ESF1: variants seen among roughly 807,000 people sequenced by gnomAD.
The protein encoded by ESF1 is ESF1 nucleolar pre-rRNA processing protein.
A neutral mutation model predicts 92.0 loss-of-function variants in ESF1; 58 were observed. The observed-to-expected ratio is 0.63, with a 90% CI of 0.51 to 0.78. The LOEUF is 0.78. ESF1 is among the 30% of genes least tolerant of loss of function. The pLI is 0.00. For synonymous variants in ESF1, 321 were observed against 313.7 expected (o/e 1.02, Z -0.24); for missense variants, 922 against 989.1 (o/e 0.93, Z 0.91).
chr20:13,719,007 G>A, intron 11 of ESF1, 23 bp from the exon 12 acceptor site: 1 of 1,565,420 alleles, frequency 6.4e-7, no homozygotes, highest in Non-Finnish European at 8.6e-7. Flanking sequence ...ACCAACATAA[G>A]AGTGGTAAAA....
At chr20:13,739,920 C>A (rs1490070335) in intron 9 of ESF1, among the ~76,000 whole-genome samples, 3 of 152,060 alleles carry the variant, frequency 2.0e-5, no homozygotes, top group Non-Finnish European at 4.4e-5. Context: ...CTACATTAAG[C>A]CAAGATGCTT....
intron 1 of ESF1, among the ~76,000 whole-genome samples, chr20:13,783,493 C>T (rs1980362357): frequency 6.6e-6 from 1 of 152,184 alleles, no homozygotes; most frequent in Non-Finnish European, 1.5e-5. Context: ...CTTAGAATTT[C>T]TATTTGTATA....
intron 12 of ESF1, 100 bp from the exon 13 acceptor site, chr20:13,717,614 C>A: frequency 7.5e-7 from 1 of 1,331,384 alleles, no homozygotes; most frequent in Non-Finnish European, 1.0e-6. Flanking sequence ...GAAAGGAAGA[C>A]TCAATCACTA....
chr20:13,751,386 T>C lies in ESF1; in HGVS notation c.1828+8306A>G, dbSNP rs575936311. Among the ~76,000 whole-genome samples the C allele has an allele frequency of 3.3e-5, 5 of 152,310 alleles. No individual in the cohort carries two copies. The South Asian group carries it at 1.0e-3, about 32-fold the overall frequency. On this transcript the variant is annotated intron_variant, in intron 9 of 13. Transcript: ENST00000617257. ...ACAAGTTTTCTTTTCTTGAGCTCAC[T>C]TGTGGCAGATTGCAAGTTTAAGGCA...
rs189022070 is a variant in ESF1, at chr20:13,764,816, C to T, written c.1666+1961G>A. Among the ~76,000 whole-genome samples, 521 of 151,628 alleles carry T rather than the reference C, an allele frequency of 3.4e-3. 1 individual carries two copies. The highest frequency in any genetic ancestry group is 6.0e-3 in the Non-Finnish European group (406 of 67,964). On this transcript the variant is annotated intron_variant, in intron 8 of 13. Transcript: ENST00000617257. ...GCCTTATAGTTTCAGGGGTGGCAAA[C>T]GCAGAAGAAAACCCATGTATAAGTG...
chr20:13,768,738 A>C (rs1231501772), intron 7 of ESF1, among the ~76,000 whole-genome samples: 1 of 151,534 alleles, frequency 6.6e-6, no homozygotes, highest in Non-Finnish European at 1.5e-5. Flanking sequence ...CTCTACTAAA[A>C]ATACAAAAAT....
chr20:13,739,887 G>A (rs1193378288), intron 9 of ESF1, among the ~76,000 whole-genome samples: 1 of 152,164 alleles, frequency 6.6e-6, no homozygotes, highest in Non-Finnish European at 1.5e-5. Flanking sequence ...CCTGATCACG[G>A]TGGGAGGTCC....
chr20:13,727,714 A>G (rs1023059330), intron 11 of ESF1, among the ~76,000 whole-genome samples: 1 of 152,208 alleles, frequency 6.6e-6, no homozygotes, highest in African/African-American at 2.4e-5. Context: ...TGAGTAGTGC[A>G]TATGAGGTGG....
intron 9 of ESF1, among the ~76,000 whole-genome samples, chr20:13,748,320 T>G (rs1364419547): frequency 6.6e-6 from 1 of 151,820 alleles, no homozygotes; most frequent in Non-Finnish European, 1.5e-5. Flanking sequence ...AATGTAGTAT[T>G]GTGTGTGAAG....
chr20:13,751,809 A>C (rs1978648060), intron 9 of ESF1, among the ~76,000 whole-genome samples: 2 of 152,112 alleles, frequency 1.3e-5, no homozygotes, highest in Non-Finnish European at 2.9e-5. Context: ...CGGCCAGCCA[A>C]CATGGTGAAA....
At chr20:13,727,263 G>A (rs2049906783) in intron 11 of ESF1, among the ~76,000 whole-genome samples, 1 of 152,100 alleles carries the variant, frequency 6.6e-6, no homozygotes, top group Non-Finnish European at 1.5e-5. Flanking sequence ...GACCACTCAG[G>A]TATGATAAAA....
At chr20:13,764,787 G>A (rs1979355385) in intron 8 of ESF1, among the ~76,000 whole-genome samples, 2 of 152,086 alleles carry the variant, frequency 1.3e-5, no homozygotes, top group African/African-American at 4.8e-5. Context: ...AGGAAGAGGG[G>A]TTGGCCTTAT....
intron 9 of ESF1, among the ~76,000 whole-genome samples, chr20:13,758,012 T>C (rs1978978352): frequency 6.6e-6 from 1 of 152,226 alleles, no homozygotes; most frequent in Non-Finnish European, 1.5e-5. Flanking sequence ...AAAATATTTC[T>C]TAACAGACAT....
intron 9 of ESF1, among the ~76,000 whole-genome samples, chr20:13,736,669 A>C (rs1395578962): frequency 1.3e-5 from 2 of 152,234 alleles, no homozygotes; most frequent in African/African-American, 4.8e-5. Context: ...AAAATGAATC[A>C]AAACTTTAGG....
chr20:13,747,592 C>T (rs986361119), intron 9 of ESF1, among the ~76,000 whole-genome samples: 2 of 121,002 alleles, frequency 1.7e-5, no homozygotes, highest in Admixed American at 8.9e-5. Context: ...GACTCAGTCT[C>T]GAAAAAAAAA....
At chr20:13,767,399 T>TA (rs973614512) in intron 7 of ESF1, among the ~76,000 whole-genome samples, 1 of 151,962 alleles carries the variant, frequency 6.6e-6, no homozygotes, top group African/African-American at 2.4e-5. Context: ...CAGGTGCCTG[T>TA]AACCCCAGCT....
At chr20:13,760,608 C>T (rs1328404766) in intron 8 of ESF1, among the ~76,000 whole-genome samples, 19 of 150,796 alleles carry the variant, frequency 1.3e-4, no homozygotes, top group Admixed American at 5.9e-4. Context: ...GCAGCCACCC[C>T]GTCTGGGAAG....
intron 8 of ESF1, among the ~76,000 whole-genome samples, chr20:13,761,244 G>A (rs925798312): frequency 2.6e-5 from 4 of 151,976 alleles, no homozygotes; most frequent in Admixed American, 6.6e-5. Flanking sequence ...CAAACACTGC[G>A]GAAGGCCGCA....
At chr20:13,725,220 A>G (rs756353362) in intron 11 of ESF1, among the ~76,000 whole-genome samples, 1 of 152,180 alleles carries the variant, frequency 6.6e-6, no homozygotes, top group Admixed American at 6.5e-5. Flanking sequence ...CCATAAACCA[A>G]TCAGGTAAAT....
Sources: allele counts gnomAD v4.1 joint callset (sites outside exome capture counted in the v4.1 genomes callset), GRCh38; gene constraint gnomAD v4.1.1; transcripts MANE v1.5; gene names NCBI Gene and HGNC (gene_info 2026-07-23, HGNC 2026-07-21).